Variants in EYS observed in about 807,000 individuals in gnomAD.
The protein encoded by EYS is protein eyes shut homolog.
Under a neutral mutation model 282.1 loss-of-function variants are expected in EYS, and 250 were observed. The observed-to-expected ratio is 0.89, with a 90% CI of 0.80 to 0.98. EYS has a LOEUF of 0.98. Ranked by LOEUF, EYS falls within the 50% of genes least tolerant of loss-of-function variation. The pLI, the probability that EYS is intolerant of heterozygous loss-of-function variation, is 0.00. For synonymous variants in EYS, 1,355 were observed against 1,282.9 expected, an observed-to-expected ratio of 1.06 and a Z score of -1.20; for missense variants, 4,016 against 3,709.0, an observed-to-expected ratio of 1.08 and a Z score of -2.15.
chr6:65,570,037 C>T (rs1048661285), intron 2 of EYS, among the ~76,000 whole-genome samples: 3 of 151,658 alleles, frequency 2.0e-5, no homozygotes, highest in Admixed American at 6.6e-5. Context: ...AAGAAAGATT[C>T]AAATATTCTA....
chr6:64,216,092 C>T (rs1765918425), intron 31 of EYS, among the ~76,000 whole-genome samples: 1 of 152,100 alleles, frequency 6.6e-6, no homozygotes, highest in Non-Finnish European at 1.5e-5. Context: ...GACAAGTTAG[C>T]AGGCATTGGA....
chr6:64,402,501 A>G (rs1013310691), intron 28 of EYS, among the ~76,000 whole-genome samples: 1 of 152,162 alleles, frequency 6.6e-6, no homozygotes, highest in Non-Finnish European at 1.5e-5. Context: ...TTTCATTTGC[A>G]GGAAGCCATC....
intron 8 of EYS, among the ~76,000 whole-genome samples, chr6:65,368,044 G>C (rs910960209): frequency 1.3e-5 from 2 of 151,466 alleles, no homozygotes; most frequent in African/African-American, 4.8e-5. Context: ...ATGGCAAAAG[G>C]GGAAGCAAAT....
At chr6:65,096,712 T>A (rs529884901) in intron 12 of EYS, among the ~76,000 whole-genome samples, 1 of 151,186 alleles carries the variant, frequency 6.6e-6, no homozygotes, top group South Asian at 2.1e-4. Flanking sequence ...TGGTCAATTG[T>A]ACTTTAACAA....
chr6:65,121,739 C>T (rs1388785994), intron 12 of EYS, among the ~76,000 whole-genome samples: 2 of 152,004 alleles, frequency 1.3e-5, no homozygotes, highest in Admixed American at 6.6e-5. Flanking sequence ...TACAGTGATA[C>T]GTGTATAATA....
At chr6:64,643,526 T>A (rs1768245914) in intron 22 of EYS, among the ~76,000 whole-genome samples, 1 of 151,898 alleles carries the variant, frequency 6.6e-6, no homozygotes, top group Non-Finnish European at 1.5e-5. Flanking sequence ...GGGGTGAGAG[T>A]AGGTGTAGGG....
intron 35 of EYS, among the ~76,000 whole-genome samples, chr6:63,936,938 G>A (rs1049329504): frequency 4.6e-5 from 7 of 152,126 alleles, no homozygotes; most frequent in Non-Finnish European, 1.0e-4. Context: ...GGCTAGCCGT[G>A]GTGTGATAAG....
At chr6:64,419,529 T>C (rs149652267) in intron 28 of EYS, among the ~76,000 whole-genome samples, 6 of 152,360 alleles carry the variant, frequency 3.9e-5, no homozygotes, top group African/African-American at 9.6e-5. Flanking sequence ...CTTCTGCCTA[T>C]GAGCCTATAA....
intron 26 of EYS, among the ~76,000 whole-genome samples, chr6:64,486,672 C>T (rs1776586576): frequency 6.6e-6 from 1 of 151,368 alleles, no homozygotes; most frequent in South Asian, 2.1e-4. Context: ...ATGTGTTCCA[C>T]ATGATCAATT....
chr6:65,191,387 G>T (rs941176153), intron 12 of EYS, among the ~76,000 whole-genome samples: 3 of 151,764 alleles, frequency 2.0e-5, no homozygotes, highest in Admixed American at 6.6e-5. Context: ...AATGGAATGG[G>T]TATTTTAGAC....
intron 36 of EYS, among the ~76,000 whole-genome samples, chr6:63,836,036 AATT>A (rs977881489): frequency 2.6e-5 from 4 of 152,176 alleles, no homozygotes; most frequent in African/African-American, 9.6e-5. Flanking sequence ...CTCCTATGAA[AATT>A]ATTATACAGG....
intron 11 of EYS, among the ~76,000 whole-genome samples, chr6:65,301,639 G>A (rs1440752402): frequency 7.9e-5 from 12 of 152,356 alleles, no homozygotes; most frequent in Non-Finnish European, 1.6e-4. Flanking sequence ...GAAAGCCACC[G>A]ACCTTATTCC....
At chr6:64,304,013 T>C (rs536934648) in intron 30 of EYS, among the ~76,000 whole-genome samples, 2 of 152,306 alleles carry the variant, frequency 1.3e-5, no homozygotes, top group Non-Finnish European at 2.9e-5. Flanking sequence ...CGTGGGTGAA[T>C]GATTGCTCTC....
chr6:65,034,663 G>A (rs984048043), intron 13 of EYS, among the ~76,000 whole-genome samples: 5 of 152,218 alleles, frequency 3.3e-5, no homozygotes, highest in Non-Finnish European at 7.4e-5. Flanking sequence ...CTCCTTAGAA[G>A]CTGAGCAGGT....
intron 2 of EYS, among the ~76,000 whole-genome samples, chr6:65,549,185 C>T (rs758866034): frequency 1.3e-5 from 2 of 152,138 alleles, no homozygotes; most frequent in Non-Finnish European, 2.9e-5. Context: ...GGGCTGAGGA[C>T]GCTTGCTGTA....
intron 1 of EYS, among the ~76,000 whole-genome samples, chr6:65,678,539 G>A (rs1024616871): frequency 3.3e-5 from 5 of 151,872 alleles, no homozygotes; most frequent in Non-Finnish European, 7.4e-5. Context: ...TATAATGTTG[G>A]TGCAGGTCAC....
At chr6:64,815,846 C>T (rs892775811) in intron 21 of EYS, among the ~76,000 whole-genome samples, 1 of 151,882 alleles carries the variant, frequency 6.6e-6, no homozygotes, top group African/African-American at 2.4e-5. Flanking sequence ...TGTACAGGAG[C>T]ATGAAAGGAA....
chr6:64,591,209 C>T lies in EYS; in HGVS notation c.4658G>A (p.Ser1553Asn). The change falls in exon 26 of 43, where the codon AGC becomes AAC. Residue 1553 changes from serine to asparagine, a missense_variant. Transcript: ENST00000503581. ...SQAADSLREL[S>N]QTCATCSMTE... is the part of the protein sequence containing the mutation. ...CATAGAACATGTTGCACATGTTTGG[C>T]TTAATTCTCTTAAAGAATCAGCAGC... 1 of 1,551,328 alleles carries T rather than the reference C, an allele frequency of 6.4e-7. No homozygotes were observed. The highest frequency in any genetic ancestry group is 8.7e-7 in the Non-Finnish European group (1 of 1,146,804).
chr6:64,464,440 A>G (rs1235560292), intron 26 of EYS, among the ~76,000 whole-genome samples: 1 of 152,172 alleles, frequency 6.6e-6, no homozygotes, highest in Admixed American at 6.5e-5. Flanking sequence ...AGTCCAAGCC[A>G]AAGTAATTAG....
Sources: gnomAD v4.1 joint callset for allele counts (sites outside exome capture counted in the v4.1 genomes callset) on GRCh38, gnomAD v4.1.1 for gene constraint, MANE v1.5 for transcripts, NCBI Gene and HGNC (gene_info 2026-07-23, HGNC 2026-07-21) for gene names.